ROR1: variants seen among roughly 807,000 people sequenced by gnomAD.
ROR1 encodes the protein inactive tyrosine-protein kinase transmembrane receptor ROR1.
A neutral mutation model predicts 78.8 loss-of-function variants in ROR1; 19 were observed. The ratio of observed to expected loss-of-function variants is 0.24; its 90% CI spans 0.17 to 0.35. The LOEUF (loss-of-function observed/expected upper bound fraction) is 0.35, where lower values mean the gene tolerates loss of function less well. Ranked by LOEUF, ROR1 falls within the 10% of genes least tolerant of loss-of-function variation. The pLI, the probability that ROR1 is intolerant of heterozygous loss-of-function variation, is 1.00. For synonymous variants in ROR1, 386 were observed against 433.6 expected (o/e 0.89, Z 1.36); for missense variants, 917 against 1,177.8 (o/e 0.78, Z 3.24).
intron 1 of ROR1, among the ~76,000 whole-genome samples, chr1:63,842,865 G>C (rs1479945096): frequency 6.6e-6 from 1 of 151,988 alleles, no homozygotes; most frequent in Non-Finnish European, 1.5e-5. Context: ...GCATGGGAAG[G>C]GGGAGGAACA....
intron 1 of ROR1, among the ~76,000 whole-genome samples, chr1:63,871,258 A>G (rs1253592475): frequency 2.0e-5 from 3 of 152,232 alleles, no homozygotes; most frequent in Admixed American, 1.3e-4. Flanking sequence ...TAATAAGTAC[A>G]TGACAGATGG....
chr1:64,114,420 G>T (rs1230428435), intron 4 of ROR1, among the ~76,000 whole-genome samples: 1 of 152,190 alleles, frequency 6.6e-6, no homozygotes, highest in Non-Finnish European at 1.5e-5. Context: ...TGATGGGAGA[G>T]AGACTCAGTA....
At chr1:64,002,502 A>G (rs1272826488) in intron 1 of ROR1, among the ~76,000 whole-genome samples, 1 of 152,220 alleles carries the variant, frequency 6.6e-6, no homozygotes, top group African/African-American at 2.4e-5. Context: ...GAATAAGTCA[A>G]TCTCTATAGT....
At position 63,935,341 on chromosome 1, in the gene ROR1, A is replaced by AG. The variant is rs1490443137; in HGVS notation, c.92-73962dup. Among the ~76,000 whole-genome samples, 3 of 152,302 alleles carry AG rather than the reference A, an allele frequency of 2.0e-5. No individual in the cohort carries two copies. The East Asian group carries it at 5.8e-4, about 29-fold the overall frequency. On this transcript the variant is annotated intron_variant, in intron 1 of 8. Coordinates refer to ENST00000371079, the MANE Select transcript of ROR1 (RefSeq NM_005012.4). ...CTAAGATGCAGTTCTGCAACTGCTG[A>AG]GGACCAGGTCCTGTTTACCAGCAGA...
At chr1:64,012,556 T>C (rs887873759) in intron 2 of ROR1, among the ~76,000 whole-genome samples, 1 of 152,128 alleles carries the variant, frequency 6.6e-6, no homozygotes, top group Non-Finnish European at 1.5e-5. Flanking sequence ...AAAGACAAAA[T>C]TTTAAAAATG....
At chr1:63,841,138 A>G (rs1320869259) in intron 1 of ROR1, among the ~76,000 whole-genome samples, 1 of 152,226 alleles carries the variant, frequency 6.6e-6, no homozygotes, top group Non-Finnish European at 1.5e-5. Context: ...TACAAAATGT[A>G]CGTCTCATTG....
At chr1:63,812,616 C>T (rs1000281316) in intron 1 of ROR1, among the ~76,000 whole-genome samples, 1 of 152,142 alleles carries the variant, frequency 6.6e-6, no homozygotes, top group African/African-American at 2.4e-5. Context: ...CTTCAGGTTC[C>T]ATTTTCCCTT....
chr1:64,008,727 C>T (rs757197759), intron 1 of ROR1, among the ~76,000 whole-genome samples: 1 of 152,108 alleles, frequency 6.6e-6, no homozygotes, highest in Admixed American at 6.5e-5. Context: ...CTCCGCCTCC[C>T]AGGTTCAAGC....
intron 1 of ROR1, among the ~76,000 whole-genome samples, chr1:63,982,300 C>G (rs1052374767): frequency 2.0e-5 from 3 of 151,546 alleles, no homozygotes; most frequent in Non-Finnish European, 4.4e-5. Flanking sequence ...AACAGTTGCC[C>G]TGCTTGCTTT....
intron 1 of ROR1, among the ~76,000 whole-genome samples, chr1:63,826,963 G>A (rs1644957546): frequency 6.6e-6 from 1 of 151,906 alleles, no homozygotes; most frequent in African/African-American, 2.4e-5. Context: ...AAAAAATTTG[G>A]TACGTATACA....
At chr1:63,899,442 T>C (rs573396222) in intron 1 of ROR1, among the ~76,000 whole-genome samples, 1 of 152,300 alleles carries the variant, frequency 6.6e-6, no homozygotes, top group South Asian at 2.1e-4. Flanking sequence ...TTTGCATACT[T>C]TGTAGCAATT....
At chr1:63,823,738 C>A (rs942569242) in intron 1 of ROR1, among the ~76,000 whole-genome samples, 2 of 152,032 alleles carry the variant, frequency 1.3e-5, no homozygotes, top group African/African-American at 2.4e-5. Context: ...CAGGCATGAG[C>A]CCCCACACCC....
At chr1:63,836,495 AG>A (rs1295441961) in intron 1 of ROR1, among the ~76,000 whole-genome samples, 1 of 152,134 alleles carries the variant, frequency 6.6e-6, no homozygotes, top group Non-Finnish European at 1.5e-5. Flanking sequence ...CATAATTAGC[AG>A]GGGGGAATTC....
intron 4 of ROR1, among the ~76,000 whole-genome samples, chr1:64,071,966 G>A (rs1033595696): frequency 7.2e-5 from 11 of 152,084 alleles, no homozygotes; most frequent in African/African-American, 2.2e-4. Flanking sequence ...CCACCGTGGT[G>A]CTTCCCTATG....
chr1:64,153,512 T>C (rs1232376752), intron 7 of ROR1, among the ~76,000 whole-genome samples: 1 of 152,192 alleles, frequency 6.6e-6, no homozygotes, highest in Non-Finnish European at 1.5e-5. Flanking sequence ...CAAATGTCCA[T>C]CAGTGGATGA....
chr1:63,881,419 G>A (rs1645322589), intron 1 of ROR1, among the ~76,000 whole-genome samples: 2 of 152,018 alleles, frequency 1.3e-5, no homozygotes, highest in Non-Finnish European at 2.9e-5. Flanking sequence ...ATTGGTTCCC[G>A]GCCACTAAGG....
intron 4 of ROR1, among the ~76,000 whole-genome samples, chr1:64,071,601 A>T (rs1268144071): frequency 6.7e-6 from 1 of 150,008 alleles, no homozygotes; most frequent in Non-Finnish European, 1.5e-5. Context: ...ACACACACAG[A>T]CACACACACA....
intron 2 of ROR1, among the ~76,000 whole-genome samples, chr1:64,013,774 C>T (rs1356947197): frequency 6.6e-6 from 1 of 152,214 alleles, no homozygotes; most frequent in Non-Finnish European, 1.5e-5. Flanking sequence ...GATCAGAATC[C>T]TTACCTCGGT....
At chr1:63,948,167 A>T (rs1028514143) in intron 1 of ROR1, among the ~76,000 whole-genome samples, 1 of 152,172 alleles carries the variant, frequency 6.6e-6, no homozygotes, top group Non-Finnish European at 1.5e-5. Context: ...GTGCAAGTTG[A>T]TCCCCTGAGA....
Sources: allele counts gnomAD v4.1 joint callset (sites outside exome capture counted in the v4.1 genomes callset), GRCh38; gene constraint gnomAD v4.1.1; transcripts MANE v1.5; gene names NCBI Gene and HGNC (gene_info 2026-07-23, HGNC 2026-07-21).